BRD1: variants seen among roughly 807,000 people sequenced by gnomAD.
BRD1 encodes bromodomain containing 1.
Under a neutral mutation model 107.7 loss-of-function variants are expected in BRD1, and 24 were observed. The observed-to-expected ratio is 0.22, with a 90% CI of 0.16 to 0.31. BRD1 has a LOEUF of 0.31. BRD1 is among the 10% of genes least tolerant of loss of function. BRD1 has a pLI of 1.00. For synonymous variants in BRD1, 744 were observed against 686.1 expected (o/e 1.08, Z -1.32); for missense variants, 1,279 against 1,638.6 (o/e 0.78, Z 3.79).
intron 2 of BRD1, among the ~76,000 whole-genome samples, chr22:49,807,449 T>G (rs138859): frequency 0.079 from 12,041 of 152,202 alleles, 626 homozygotes; most frequent in South Asian, 0.11. Context: ...CAGAGAACCC[T>G]GAAGCGAACC....
At chr22:49,827,325 C>T (rs563906352) in intron 1 of BRD1, among the ~76,000 whole-genome samples, 172 bp downstream of exon 1, 98 of 150,710 alleles carry the variant, frequency 6.5e-4, no homozygotes, top group Middle Eastern at 3.4e-3. Flanking sequence ...CCGGCCTCCC[C>T]GGCATCCCGG....
Position 49,824,650 on chromosome 22 carries a change from A to G in BRD1, c.-14-319T>C, listed in dbSNP as rs1237989149. ...GCGGAGACCACAGCAACGCTCCCCA[A>G]GGAGGAGGGGTCCGGCCCAGAGCCC... On this transcript the variant is annotated intron_variant, in intron 1 of 12. Transcript: ENST00000404760. The surrounding 1 kb of genome is among the most constrained non-coding windows in gnomAD (Gnocchi z 5.9). 17 of 1,152,602 alleles carry G rather than the reference A, an allele frequency of 1.5e-5. 1 individual carries two copies. The East Asian group carries it at 6.4e-4, about 43-fold the overall frequency. 71.4% of individuals were successfully genotyped at this position (1,152,602 alleles called of 1,614,324 possible). A position where few individuals can be genotyped will look rare whatever the true frequency, so the allele number is the denominator to read the frequency against.
At chr22:49,826,609 A>T (rs2060150853) in intron 1 of BRD1, among the ~76,000 whole-genome samples, 1 of 152,186 alleles carries the variant, frequency 6.6e-6, no homozygotes, top group Non-Finnish European at 1.5e-5. Flanking sequence ...GAAGCCGGCC[A>T]CGCGCCGGGC....
rs778234527 is a variant in BRD1, at chr22:49,777,192, G to A, written c.2994-31C>T. On this transcript the variant is annotated intron_variant, in intron 9 of 12. Coordinates refer to ENST00000404760, the MANE Select transcript of BRD1 (RefSeq NM_001304808.3). ...GGAGGAAGAGCAGAGGGAGTCAGGCGCCCCGCCCCTGCCTTCAGCCTCACT... is the reference window on the plus strand; with the variant it reads ...GGAGGAAGAGCAGAGGGAGTCAGGCACCCCGCCCCTGCCTTCAGCCTCACT... 43 of 1,606,978 alleles carry A rather than the reference G, an allele frequency of 2.7e-5. No individual in the cohort carries two copies. In the Admixed American group the frequency reaches 3.0e-4, roughly 11 times the overall value.
chr22:49,778,339 A>G (rs1176587618), intron 8 of BRD1, among the ~76,000 whole-genome samples: 1 of 152,270 alleles, frequency 6.6e-6, no homozygotes, highest in African/African-American at 2.4e-5. Context: ...AAGTGTTAAC[A>G]TGAAGTCAAA....
At chr22:49,778,537 T>C (rs1320734798) in intron 8 of BRD1, among the ~76,000 whole-genome samples, 1 of 152,238 alleles carries the variant, frequency 6.6e-6, no homozygotes, top group Non-Finnish European at 1.5e-5. Flanking sequence ...ATCCTGACTT[T>C]GTCAGTCAAC....
intron 1 of BRD1, among the ~76,000 whole-genome samples, chr22:49,826,832 C>T (rs949053780): frequency 2.6e-5 from 4 of 152,234 alleles, no homozygotes; most frequent in African/African-American, 7.2e-5. Flanking sequence ...GGGGGTCCCG[C>T]TGCTACGGAT....
At chr22:49,811,401 T>A (rs2059846252) in intron 2 of BRD1, among the ~76,000 whole-genome samples, 1 of 152,162 alleles carries the variant, frequency 6.6e-6, no homozygotes, top group Non-Finnish European at 1.5e-5. Context: ...TTTCATGGTG[T>A]GTGAATGACA....
chr22:49,822,954 T>C lies in BRD1; in HGVS notation c.1364A>G (p.Gln455Arg), dbSNP rs1319714302. 8.1e-6 allele frequency: 13 copies of C among 1,613,786 alleles called. No individual in the cohort carries two copies. Among genetic ancestry groups the C allele is most frequent in the Non-Finnish European group, 1.0e-5 (12 of 1,179,808 alleles). ...PTVCAPYIPP[Q>R]RLNRIANQVA... Reference sequence around the variant, plus strand: ...CTCAATGCTTGGACACGCTTACCTCTGCGGGGGAATATAAGGAGCGCACAC... The same window carrying C: ...CTCAATGCTTGGACACGCTTACCTCCGCGGGGGAATATAAGGAGCGCACAC... The change falls in exon 2 of 13, where the codon CAG becomes CGG. Residue 455 changes from glutamine to arginine, a missense_variant. By Grantham distance (43) the Gln-to-Arg change is conservative. Coordinates refer to ENST00000404760, the MANE Select transcript of BRD1 (RefSeq NM_001304808.3).
Position 49,794,256 on chromosome 22 carries a change from C to G in BRD1, c.2137G>C (p.Gly713Arg). The change falls in exon 7 of 13, where the codon GGC (glycine) becomes CGC (arginine). Residue 713 changes from glycine (G) to arginine (R), a missense_variant. Around this residue, in one of 7 missense-constraint regions of BRD1, gnomAD observed 406 missense variants for 519.4 expected, o/e 0.78. Coordinates refer to ENST00000404760, the MANE Select transcript of BRD1 (RefSeq NM_001304808.3). ...LLDPANRAHL[G>R]LEEQLRELLD... ...AGCTCTCTCAGCTGCTCCTCCAGGC[C>G]CAGGTGGGCTCTGTTGGCGGGGTCC... 1 of 1,613,524 alleles carries G rather than the reference C, an allele frequency of 6.2e-7. No homozygotes were observed. The highest frequency in any genetic ancestry group is 8.5e-7 in the Non-Finnish European group (1 of 1,179,628).
chr22:49,800,731 T>C (rs973280275), intron 3 of BRD1, among the ~76,000 whole-genome samples: 8 of 151,984 alleles, frequency 5.3e-5, no homozygotes, highest in Non-Finnish European at 1.0e-4. Flanking sequence ...AGGATCAAGG[T>C]TCCTTACTCG....
rs758380473 is a variant in BRD1, at chr22:49,775,815, A to AC, written c.3232-71dup. ...ATAAACAACCCCACCTGTCACTGGC[A>AC]CCCCCCCCCGCCTCCCCACCCCAGC... On this transcript the variant is annotated intron_variant, in intron 11 of 12. Transcript: ENST00000404760. The AC allele has an allele frequency of 8.9e-3, 10,096 of 1,136,984 alleles. 46 individuals are homozygous for AC. The highest frequency in any genetic ancestry group is 0.03 in the East Asian group (864 of 28,816). The allele number at this position is 1,136,984 out of a possible 1,614,324, so 70.4% of individuals were successfully genotyped here. A position where few individuals can be genotyped will look rare whatever the true frequency, so the allele number is the denominator to read the frequency against.
intron 2 of BRD1, among the ~76,000 whole-genome samples, chr22:49,810,209 T>A (rs564290927): frequency 2.0e-5 from 3 of 152,124 alleles, no homozygotes; most frequent in African/African-American, 4.8e-5. Context: ...CAGGTAAAGG[T>A]AGAAATTATC....
chr22:49,819,048 A>G (rs1181468510), intron 2 of BRD1, among the ~76,000 whole-genome samples: 3 of 151,494 alleles, frequency 2.0e-5, no homozygotes, highest in Non-Finnish European at 4.4e-5. Flanking sequence ...ACCTGAAGTC[A>G]CGAGTTTGAG....
At chr22:49,810,760 C>T (rs965308340) in intron 2 of BRD1, among the ~76,000 whole-genome samples, 10 of 152,188 alleles carry the variant, frequency 6.6e-5, no homozygotes, top group African/African-American at 2.4e-4. Flanking sequence ...CGATCGCTGC[C>T]CCTGCACCAT....
At chr22:49,826,325 C>A in intron 1 of BRD1, 1 of 919,790 alleles carries the variant, frequency 1.1e-6, no homozygotes, top group African/African-American at 1.8e-5. Context: ...CAGCTCCATA[C>A]CCTCAACATG....
rs986794685 is a variant in BRD1, at chr22:49,786,389, G to A, written c.2857+1001C>T. ...GGAGCAGAGGCTGCAGGAACACAGC[G>A]GCCTCCTCAAAGTGCTCCCAGCACA... On this transcript the variant is annotated intron_variant, in intron 8 of 12. Coordinates refer to ENST00000404760, the MANE Select transcript of BRD1 (RefSeq NM_001304808.3). Among the ~76,000 whole-genome samples the A allele has an allele frequency of 2.6e-5, 4 of 152,132 alleles. No individual in the cohort carries two copies. The South Asian group carries it at 6.2e-4, about 24-fold the overall frequency.
At chr22:49,822,767 T>C (rs2060092859) in intron 2 of BRD1, among the ~76,000 whole-genome samples, 184 bp downstream of exon 2, 1 of 152,030 alleles carries the variant, frequency 6.6e-6, no homozygotes, top group Non-Finnish European at 1.5e-5. Context: ...TAAAATCTTT[T>C]ACAACATCTA....
At chr22:49,816,812 T>C (rs1290564210) in intron 2 of BRD1, among the ~76,000 whole-genome samples, 1 of 152,224 alleles carries the variant, frequency 6.6e-6, no homozygotes, top group African/African-American at 2.4e-5. Context: ...TTCCGAATTC[T>C]GGGGCCCAAG....
Sources: gnomAD v4.1 joint callset for allele counts (sites outside exome capture counted in the v4.1 genomes callset) on GRCh38, gnomAD v4.1.1 for gene constraint, gnomAD v4.1.1 regional missense constraint, Gnocchi (gnomAD v3.1) non-coding constraint, MANE v1.5 for transcripts, NCBI Gene and HGNC (gene_info 2026-07-23, HGNC 2026-07-21) for gene names.